The following ATP6V1C2 variants were observed in gnomAD, a reference collection of about 807,000 sequenced individuals.
The protein encoded by ATP6V1C2 is V-type proton ATPase subunit C 2.
ATP6V1C2 carries 45 observed loss-of-function variants against 56.8 expected under a neutral mutation model. That is an observed-to-expected ratio of 0.79 (90% CI 0.62 to 1.02). The LOEUF is 1.02. Among genes scored for constraint, ATP6V1C2 ranks in the 50% least tolerant of loss-of-function variants. The probability of loss-of-function intolerance (pLI) is 0.00; values close to 1 mark genes in which losing one functional copy is unlikely to be tolerated. For missense variants in ATP6V1C2, 463 were observed against 519.7 expected (o/e 0.89, Z 1.06); for synonymous variants, 220 against 201.3 (o/e 1.09, Z -0.79).
At chr2:10,760,266 A>G (rs1663835167) in intron 4 of ATP6V1C2, among the ~76,000 whole-genome samples, 1 of 151,996 alleles carries the variant, frequency 6.6e-6, no homozygotes, top group Admixed American at 6.6e-5. Context: ...GCTACTTGGG[A>G]GGCCAAGGCA....
rs1046854625 is a variant in ATP6V1C2 at position 10,780,041 on chromosome 2, C to T, written c.1061+1372C>T. On this transcript the variant is annotated intron_variant, in intron 12 of 13. Coordinates refer to ENST00000272238, the MANE Select transcript of ATP6V1C2 (RefSeq NM_001039362.2). This position sits in a 1 kb window ranked among gnomAD's most constrained non-coding sequence, Gnocchi z 4.1. ...TGTGTGACCTTCCGGACCCCTTCCCCGCCTGCACTGAGGAGCTCCTCATCC... is the reference window on the plus strand; with the variant it reads ...TGTGTGACCTTCCGGACCCCTTCCCTGCCTGCACTGAGGAGCTCCTCATCC... Among the ~76,000 whole-genome samples the T allele has an allele frequency of 1.2e-4, 19 of 152,144 alleles. No homozygotes were observed. Among genetic ancestry groups the T allele is most frequent in the African/African-American group, 4.3e-4 (18 of 41,430 alleles).
At chr2:10,778,532 G>T (rs2148514815) in intron 11 of ATP6V1C2, 40 bp from the exon 12 acceptor site, 1 of 1,584,974 alleles carries the variant, frequency 6.3e-7, no homozygotes, top group Non-Finnish European at 8.7e-7. Context: ...TGTCAGGCGG[G>T]GTGTTCAGCA....
chr2:10,783,373 A>C lies in ATP6V1C2; in HGVS notation c.*110A>C. 1.5e-6 allele frequency: 1 copy of C among 652,466 alleles called. No homozygotes were observed. The highest frequency in any genetic ancestry group is 3.0e-5 in the East Asian group (1 of 33,412). The allele number at this position is 652,466 out of a possible 1,614,324, so 40.4% of individuals were successfully genotyped here. On this transcript the variant is annotated 3_prime_UTR_variant, in exon 14 of 14. Coordinates refer to ENST00000272238, the MANE Select transcript of ATP6V1C2 (RefSeq NM_001039362.2). ...CTTACAGAACTAAGATCTTTTTCAG[A>C]GAAATTGCTCACAAAAGTTAGTGAC...
At chr2:10,782,078 A>C (rs988920914) in intron 12 of ATP6V1C2, among the ~76,000 whole-genome samples, 165 bp from the exon 13 acceptor site, 20 of 151,638 alleles carry the variant, frequency 1.3e-4, no homozygotes, top group Admixed American at 2.6e-4. Context: ...AGCTTTTTCT[A>C]TCCAGAGATC....
chr2:10,768,294 T>C (rs546783898), intron 5 of ATP6V1C2: 65 of 186,724 alleles, frequency 3.5e-4, no homozygotes, highest in African/African-American at 1.4e-3. Context: ...TGCACCTCCC[T>C]GCCCCTGCCA....
At chr2:10,765,139 C>T (rs566468744) in intron 5 of ATP6V1C2, among the ~76,000 whole-genome samples, 10 of 152,282 alleles carry the variant, frequency 6.6e-5, no homozygotes, top group African/African-American at 2.4e-4. Flanking sequence ...TGCACCAGCT[C>T]GTTGCTCTCC....
At chr2:10,773,279 C>T (rs1056308874) in intron 8 of ATP6V1C2, among the ~76,000 whole-genome samples, 5 of 152,144 alleles carry the variant, frequency 3.3e-5, no homozygotes, top group Non-Finnish European at 5.9e-5. Flanking sequence ...AGGCCACACT[C>T]AGGATGGTAG....
intron 1 of ATP6V1C2, among the ~76,000 whole-genome samples, chr2:10,722,315 A>C (rs1469058460): frequency 1.3e-5 from 2 of 150,896 alleles, no homozygotes; most frequent in Non-Finnish European, 3.0e-5. Flanking sequence ...TTTTTTTCTT[A>C]TTTAAAAAAA....
At chr2:10,779,562 T>C (rs1209311964) in intron 12 of ATP6V1C2, among the ~76,000 whole-genome samples, 1 of 151,062 alleles carries the variant, frequency 6.6e-6, no homozygotes, top group African/African-American at 2.4e-5. Flanking sequence ...GGCATGGGCC[T>C]GTAGTACTGG....
intron 3 of ATP6V1C2, among the ~76,000 whole-genome samples, chr2:10,750,006 T>A (rs1016055842): frequency 6.6e-6 from 1 of 152,200 alleles, no homozygotes; most frequent in Non-Finnish European, 1.5e-5. Context: ...TAACACAGTA[T>A]CTAGACTCTT....
chr2:10,759,951 C>T (rs1378049033), intron 4 of ATP6V1C2, among the ~76,000 whole-genome samples: 1 of 151,754 alleles, frequency 6.6e-6, no homozygotes, highest in African/African-American at 2.4e-5. Flanking sequence ...GCTTTACTGG[C>T]TCCCAGATAC....
chr2:10,758,953 C>T (rs1296818158), intron 4 of ATP6V1C2, among the ~76,000 whole-genome samples: 1 of 152,220 alleles, frequency 6.6e-6, no homozygotes, highest in African/African-American at 2.4e-5. Context: ...AAGTGTGAGC[C>T]ACCGCGCCGG....
Position 10,726,581 on chromosome 2 carries a change from C to T in ATP6V1C2, c.197+12C>T, listed in dbSNP as rs1448558303. On this transcript the variant is annotated intron_variant, in intron 3 of 13. Transcript: ENST00000272238. ...ACCTTTGCTGAAAGGTAAAATATTC[C>T]TTATTTACTACATACAAGTGAGAAT... 1.2e-6 allele frequency: 2 copies of T among 1,604,134 alleles called. No individual in the cohort carries two copies. Among genetic ancestry groups the T allele is most frequent in the Middle Eastern group, 1.7e-4 (1 of 6,018 alleles).
Position 10,749,516 on chromosome 2 carries a change from A to C in ATP6V1C2, c.198-4465A>C, listed in dbSNP as rs192843476. Among the ~76,000 whole-genome samples the C allele has an allele frequency of 2.6e-5, 4 of 152,300 alleles. 1 individual carries two copies. The South Asian group carries it at 8.3e-4, about 32-fold the overall frequency. On this transcript the variant is annotated intron_variant, in intron 3 of 13. Transcript: ENST00000272238. ...CGAGATATAATTTTTCAGACATCAG[A>C]TTGGCAGAGATTAAAAAGATTCATA...
At chr2:10,730,653 CTTT>C (rs34341407) in intron 3 of ATP6V1C2, among the ~76,000 whole-genome samples, 1,194 of 97,756 alleles carry the variant, frequency 0.012, 9 homozygotes, top group African/African-American at 0.031. Context: ...AGGTGTAAAC[CTTT>C]TTTTTTTTTT....
chr2:10,762,644 G>A (rs1239766087), intron 4 of ATP6V1C2, among the ~76,000 whole-genome samples: 2 of 151,976 alleles, frequency 1.3e-5, no homozygotes, highest in African/African-American at 4.8e-5. Context: ...TTGGGGACCT[G>A]TCCACCCACA....
Position 10,738,864 on chromosome 2 carries a change from C to T in ATP6V1C2, c.197+12295C>T, listed in dbSNP as rs139724502. Reference sequence around the variant, plus strand: ...TCCCTGTCCAGCCCTCCACAGGAGACGCCAGTAAGGACGGAGTCCTGTGGG... The same window carrying T: ...TCCCTGTCCAGCCCTCCACAGGAGATGCCAGTAAGGACGGAGTCCTGTGGG... On this transcript the variant is annotated intron_variant, in intron 3 of 13. Coordinates refer to ENST00000272238, the MANE Select transcript of ATP6V1C2 (RefSeq NM_001039362.2). Among the ~76,000 whole-genome samples, 205 of 152,278 alleles carry T rather than the reference C, an allele frequency of 1.3e-3. 5 individuals are homozygous for T. The East Asian group carries it at 0.028, about 21-fold the overall frequency.
At chr2:10,771,214 C>T (rs1445106034) in intron 6 of ATP6V1C2, among the ~76,000 whole-genome samples, 3 of 152,204 alleles carry the variant, frequency 2.0e-5, no homozygotes, top group African/African-American at 4.8e-5. Context: ...CACTGTGTGC[C>T]GACGTCACGG....
At chr2:10,752,065 A>C (rs1164656565) in intron 3 of ATP6V1C2, among the ~76,000 whole-genome samples, 1 of 151,410 alleles carries the variant, frequency 6.6e-6, no homozygotes, top group African/African-American at 2.4e-5. Context: ...TCCTGCCTCA[A>C]AAAAAAAACA....
Sources: gnomAD v4.1 joint callset for allele counts (sites outside exome capture counted in the v4.1 genomes callset) on GRCh38, gnomAD v4.1.1 for gene constraint, Gnocchi (gnomAD v3.1) non-coding constraint, MANE v1.5 for transcripts, NCBI Gene and HGNC (gene_info 2026-07-23, HGNC 2026-07-21) for gene names.